The following INPP5A variants were observed in gnomAD, a reference collection of about 807,000 sequenced individuals.
INPP5A encodes inositol polyphosphate-5-phosphatase A.
INPP5A carries 14 observed loss-of-function variants against 65.2 expected under a neutral mutation model. The observed-to-expected ratio is 0.21, with a 90% CI of 0.14 to 0.34. The LOEUF (loss-of-function observed/expected upper bound fraction) is 0.34. Among genes scored for constraint, INPP5A ranks in the 10% least tolerant of loss-of-function variants. INPP5A has a pLI of 1.00. For synonymous variants in INPP5A, 207 were observed against 208.3 expected (o/e 0.99, Z 0.05); for missense variants, 431 against 545.6 (o/e 0.79, Z 2.09).
At chr10:132,717,701 G>A (rs1400122219) in intron 8 of INPP5A, among the ~76,000 whole-genome samples, 1 of 150,252 alleles carries the variant, frequency 6.7e-6, no homozygotes, top group Admixed American at 6.6e-5. Context: ...TGCGGGTTCT[G>A]TGGTGCCTGG....
intron 2 of INPP5A, among the ~76,000 whole-genome samples, chr10:132,615,800 CACT>C (rs967068971): frequency 9.2e-5 from 14 of 152,220 alleles, no homozygotes; most frequent in South Asian, 2.1e-4. Context: ...GGAGTGTAGG[CACT>C]GGGTTGGTGG....
At chr10:132,657,579 GC>G (rs1376227614) in intron 4 of INPP5A, among the ~76,000 whole-genome samples, 2 of 151,306 alleles carry the variant, frequency 1.3e-5, no homozygotes, top group Non-Finnish European at 3.0e-5. Context: ...CCAGTACCCA[GC>G]GGTGGCCCAG....
chr10:132,726,687 A>G (rs1238380136), intron 8 of INPP5A, 134 bp from the exon 9 acceptor site: 5 of 639,886 alleles, frequency 7.8e-6, no homozygotes, highest in South Asian at 1.9e-5. Context: ...CAAAGAGGCA[A>G]CCACTGAGGT....
chr10:132,763,766 G>T (rs111672064), intron 11 of INPP5A, among the ~76,000 whole-genome samples: 3,135 of 143,452 alleles, frequency 0.022, 84 homozygotes, highest in African/African-American at 0.077. Flanking sequence ...CACACATGCC[G>T]TTGCACACAT....
chr10:132,703,966 CCA>C lies in INPP5A; in HGVS notation c.475-4339_475-4338del, dbSNP rs1483611996. Reference sequence around the variant, plus strand: ...ACACACGCGGCTTCACACACACATGCCACACACACGCAAGCTTCACCCACACA... The same window carrying C: ...ACACACGCGGCTTCACACACACATGCCACACACGCAAGCTTCACCCACACA... On this transcript the variant is annotated intron_variant, in intron 6 of 15. Coordinates refer to ENST00000368594, the MANE Select transcript of INPP5A (RefSeq NM_005539.5). 1.0e-4 allele frequency among the ~76,000 whole-genome samples: 14 copies of C among 138,776 alleles called. No individual in the cohort carries two copies. The East Asian group carries it at 2.7e-3, about 26-fold the overall frequency. 91.0% of individuals were successfully genotyped at this position (138,776 alleles called of 152,430 possible).
At chr10:132,700,068 G>C (rs886279684) in intron 6 of INPP5A, among the ~76,000 whole-genome samples, 1 of 152,176 alleles carries the variant, frequency 6.6e-6, no homozygotes, top group East Asian at 1.9e-4. Context: ...ACGAGGGGCC[G>C]CCCCTCCCCC....
intron 12 of INPP5A, among the ~76,000 whole-genome samples, chr10:132,766,530 G>A (rs915979154): frequency 3.3e-5 from 5 of 152,208 alleles, no homozygotes; most frequent in South Asian, 2.1e-4. Context: ...GCAGATGTGC[G>A]TGGGGCGTGC....
chr10:132,739,449 A>G (rs1846235627), intron 9 of INPP5A, among the ~76,000 whole-genome samples: 1 of 152,068 alleles, frequency 6.6e-6, no homozygotes, highest in African/African-American at 2.4e-5. Flanking sequence ...ACTCATCCTT[A>G]CCCTGCACCT....
chr10:132,727,262 C>T lies in INPP5A; in HGVS notation c.732+357C>T, dbSNP rs1016826591. On this transcript the variant is annotated intron_variant, in intron 9 of 15. Coordinates refer to ENST00000368594, the MANE Select transcript of INPP5A (RefSeq NM_005539.5). The surrounding 1 kb of genome is among the most constrained non-coding windows in gnomAD (Gnocchi z 6.5). ...TCTGCAGAGTGTCAGCTCCTTCACA[C>T]TGTCCAACTTGATCTCAGCGATTTT... 4.4e-5 allele frequency: 9 copies of T among 205,390 alleles called. No individual in the cohort carries two copies. The highest frequency in any genetic ancestry group is 6.9e-5 in the African/African-American group (3 of 43,414). The allele number at this position is 205,390 out of a possible 1,614,324, so 12.7% of individuals were successfully genotyped here.
intron 2 of INPP5A, among the ~76,000 whole-genome samples, chr10:132,634,047 C>T (rs987910673): frequency 7.2e-5 from 11 of 152,254 alleles, no homozygotes; most frequent in African/African-American, 2.7e-4. Context: ...ACAGACCCTA[C>T]ACAGTAGCTT....
intron 1 of INPP5A, among the ~76,000 whole-genome samples, chr10:132,604,453 GT>G (rs986583678): frequency 2.1e-4 from 32 of 152,216 alleles, no homozygotes; most frequent in African/African-American, 6.8e-4. Context: ...GTCAGACCCT[GT>G]TTTGTTGCCT....
chr10:132,567,165 G>A (rs1318157247), intron 1 of INPP5A, among the ~76,000 whole-genome samples: 2 of 152,128 alleles, frequency 1.3e-5, no homozygotes, highest in East Asian at 1.9e-4. Context: ...GTCTCCATCC[G>A]GCCACCCTCC....
intron 1 of INPP5A, among the ~76,000 whole-genome samples, chr10:132,562,894 C>T (rs1271898534): frequency 6.6e-6 from 1 of 152,184 alleles, no homozygotes. Context: ...CCTCCTTCCC[C>T]TGCTCTGGTA....
intron 5 of INPP5A, among the ~76,000 whole-genome samples, chr10:132,690,747 A>G (rs1845244978): frequency 6.6e-6 from 1 of 152,148 alleles, no homozygotes; most frequent in Non-Finnish European, 1.5e-5. Flanking sequence ...AGAAAATGAA[A>G]AGCCGAATGA....
At chr10:132,673,561 G>A (rs2072922936) in intron 4 of INPP5A, among the ~76,000 whole-genome samples, 1 of 152,230 alleles carries the variant, frequency 6.6e-6, no homozygotes. Context: ...TCAGGATGAT[G>A]GGGAACATGG....
chr10:132,640,451 G>A (rs552523274), intron 2 of INPP5A, among the ~76,000 whole-genome samples: 1 of 152,390 alleles, frequency 6.6e-6, no homozygotes, highest in East Asian at 1.9e-4. Context: ...GAGAGAGGGT[G>A]GGGTTTCCTC....
Position 132,710,352 on chromosome 10 carries a change from G to A in INPP5A, c.543G>A (p.Val181=). 6.2e-7 allele frequency: 1 copy of A among 1,614,138 alleles called. No individual in the cohort carries two copies. The change falls in exon 8 of 16, where the codon GTG becomes GTA. Residue 181 remains valine (V), a synonymous_variant. Transcript: ENST00000368594. ...WCIADCAFDL[V]NIHLFHDASN... is the part of the protein sequence containing the mutation. ...TTGGTTGCAGTGCCTTTGACTTGGT[G>A]AATATCCATCTTTTCCATGATGCTT... is the stretch of plus-strand genomic sequence containing the variant.
rs898617793 is a variant in INPP5A, at chr10:132,736,347, G to A, written c.732+9442G>A. ...GCACACCACACCTGCCGTCCATCAC[G>A]TCTGACAGTGACGGTGATGGATGCG... On this transcript the variant is annotated intron_variant, in intron 9 of 15. Transcript: ENST00000368594. Among the ~76,000 whole-genome samples the A allele has an allele frequency of 6.6e-5, 10 of 152,254 alleles. No individual in the cohort carries two copies. The East Asian group carries it at 1.2e-3, about 18-fold the overall frequency.
intron 4 of INPP5A, among the ~76,000 whole-genome samples, chr10:132,669,932 C>T (rs527374371): frequency 3.3e-5 from 5 of 152,122 alleles, no homozygotes; most frequent in Admixed American, 2.6e-4. Context: ...TTCTAGCCCT[C>T]TCAGGTCTTT....
Sources: allele counts gnomAD v4.1 joint callset (sites outside exome capture counted in the v4.1 genomes callset), GRCh38; gene constraint gnomAD v4.1.1; non-coding constraint Gnocchi (gnomAD v3.1); transcripts MANE v1.5; gene names NCBI Gene and HGNC (gene_info 2026-07-23, HGNC 2026-07-21).